Variants in CDK12 observed in about 807,000 individuals in gnomAD.
The protein encoded by CDK12 is cyclin dependent kinase 12.
Under a neutral mutation model 133.8 loss-of-function variants are expected in CDK12, and 17 were observed. That is an observed-to-expected ratio of 0.13 (90% CI 0.09 to 0.19). The LOEUF (loss-of-function observed/expected upper bound fraction) is 0.19, where lower values mean the gene tolerates loss of function less well. Ranked by LOEUF, CDK12 falls within the 10% of genes least tolerant of loss-of-function variation. The pLI is 1.00. For missense variants in CDK12, 1,508 were observed against 1,818.7 expected (o/e 0.83, Z 3.11); for synonymous variants, 694 against 683.6 (o/e 1.02, Z -0.24).
chr17:39,565,335 C>G (rs1159646922), downstream of CDK12, among the ~76,000 whole-genome samples: 1 of 151,904 alleles, frequency 6.6e-6, no homozygotes. Flanking sequence ...AGGATGGTCT[C>G]GATCTCCTGA....
intron 3 of CDK12, among the ~76,000 whole-genome samples, chr17:39,557,330 C>G (rs1276292124): frequency 1.3e-5 from 2 of 152,168 alleles, no homozygotes; most frequent in Non-Finnish European, 2.9e-5. Flanking sequence ...TCTTTTTGAT[C>G]TGGTTATGCT....
rs763101340 is a variant in CDK12 at position 39,461,538 on chromosome 17, A to T, written c.-534A>T. ...GTGACTGGGTCTGTGTGAGGGAGAG[A>T]GTGTGTGTGGTGTGGAGGTGAAACG... On this transcript the variant is annotated 5_prime_UTR_variant, in exon 1 of 14. Transcript: ENST00000447079. 1 of 242,748 alleles carries T rather than the reference A, an allele frequency of 4.1e-6. No individual in the cohort carries two copies. Among genetic ancestry groups the T allele is most frequent in the East Asian group, 5.9e-5 (1 of 17,054 alleles). The allele number at this position is 242,748 out of a possible 1,614,324, so 15.0% of individuals were successfully genotyped here. A position where few individuals can be genotyped will look rare whatever the true frequency, so the allele number is the denominator to read the frequency against.
upstream of CDK12, chr17:39,549,943 C>T (rs759220165): frequency 1.3e-5 from 2 of 152,248 alleles, no homozygotes; most frequent in Non-Finnish European, 2.9e-5. Flanking sequence ...ATAACCCCCC[C>T]ATCATACCCT....
intron 3 of CDK12, among the ~76,000 whole-genome samples, chr17:39,561,812 C>T (rs1262318278): frequency 1.3e-5 from 2 of 152,186 alleles, no homozygotes; most frequent in Non-Finnish European, 2.9e-5. Context: ...CGTATCACTC[C>T]TCCATCTTCT....
At chr17:39,557,351 A>G (rs1436544672) in intron 3 of CDK12, among the ~76,000 whole-genome samples, 3 of 151,996 alleles carry the variant, frequency 2.0e-5, no homozygotes, top group African/African-American at 4.8e-5. Context: ...GCTGCTTTTT[A>G]CTTTTCCTTC....
rs1479795836 is a variant in CDK12, at chr17:39,471,579, A to G, written c.1747A>G (p.Thr583Ala). 3.7e-6 allele frequency: 6 copies of G among 1,613,934 alleles called. No individual in the cohort carries two copies. The highest frequency in any genetic ancestry group is 5.1e-6 in the Non-Finnish European group (6 of 1,179,978). ...TCAGGTTCCTGCTTCCAGTACTTCA[A>G]CTTTGCCCCCTTCTACTCACTCAAA... ...FSQVPASSTSTLPPSTHSKTS... is the reference protein window; with the variant it reads ...FSQVPASSTSALPPSTHSKTS... The change falls in exon 2 of 14, where the codon ACT (threonine) becomes GCT (alanine). Residue 583 changes from threonine to alanine, a missense_variant. Around this residue, in one of 9 missense-constraint regions of CDK12, gnomAD observed 347 missense variants for 330.8 expected, o/e 1.05. Transcript: ENST00000447079.
chr17:39,535,490 T>TA (rs1331896875), downstream of CDK12, among the ~76,000 whole-genome samples: 1 of 152,198 alleles, frequency 6.6e-6, no homozygotes, highest in African/African-American at 2.4e-5. Context: ...TTTCTGGAAT[T>TA]ATGTGTTCCT....
chr17:39,561,047 G>A (rs1481284237), intron 3 of CDK12, among the ~76,000 whole-genome samples: 1 of 152,142 alleles, frequency 6.6e-6, no homozygotes, highest in African/African-American at 2.4e-5. Flanking sequence ...CAGTGTCATG[G>A]ATCAGGGGAC....
intron 2 of CDK12, among the ~76,000 whole-genome samples, chr17:39,472,456 C>T (rs1395164895): frequency 6.7e-6 from 1 of 149,320 alleles, no homozygotes; most frequent in Admixed American, 6.7e-5. Flanking sequence ...GGCAGATCAC[C>T]TGAGGTCAGG....
At chr17:39,497,958 T>C (rs1333451834) in intron 5 of CDK12, among the ~76,000 whole-genome samples, 2 of 152,008 alleles carry the variant, frequency 1.3e-5, no homozygotes, top group Non-Finnish European at 2.9e-5. Context: ...ATGTTACCAG[T>C]TTTATTTACT....
At chr17:39,539,528 G>T (rs1178126432), downstream of CDK12, among the ~76,000 whole-genome samples, 2 of 152,138 alleles carry the variant, frequency 1.3e-5, no homozygotes, top group African/African-American at 4.8e-5. Flanking sequence ...TACCATGAGG[G>T]CTGCTTCAGT....
At chr17:39,483,216 A>G (rs76686067) in intron 2 of CDK12, among the ~76,000 whole-genome samples, 2 of 152,014 alleles carry the variant, frequency 1.3e-5, no homozygotes, top group African/African-American at 4.8e-5. Context: ...CCCTGGCTCA[A>G]CTAAATTTTT....
chr17:39,463,180 C>T (rs1259887494), intron 1 of CDK12, 63 bp downstream of exon 1: 5 of 1,433,518 alleles, frequency 3.5e-6, no homozygotes, highest in Admixed American at 1.8e-5. Flanking sequence ...TGGCATTCAG[C>T]GTGTTAACAT....
chr17:39,496,912 CTTTTTTTTTTTT>C (rs71147349), intron 5 of CDK12, among the ~76,000 whole-genome samples: 12 of 87,820 alleles, frequency 1.4e-4, no homozygotes, highest in South Asian at 9.3e-4. Context: ...TTCAGTATAT[CTTTTTTTTTTTT>C]TTTTTTTTTT....
At chr17:39,475,034 C>T (rs1380148626) in intron 2 of CDK12, among the ~76,000 whole-genome samples, 1 of 151,712 alleles carries the variant, frequency 6.6e-6, no homozygotes, top group Non-Finnish European at 1.5e-5. Context: ...AGGGTTTCAC[C>T]ATGTTGGCCA....
In CDK12 at chr17:39,519,996, A is replaced by G. The variant is rs772623113; in HGVS notation, c.3004A>G (p.Thr1002Ala). Residue 1002 changes from threonine to alanine, a missense_variant, in exon 11 of 14, where the codon ACA becomes GCA. Physicochemically the swap from Thr to Ala is moderately conservative, Grantham distance 58. Around this residue, in one of 9 missense-constraint regions of CDK12, gnomAD observed 82 missense variants for 201.5 expected, o/e 0.41. Transcript: ENST00000447079. ...ACTTGATTTATTGGACCACATGCTG[A>G]CACTAGATCCTAGTAAGCGGTGCAC... The part of the protein sequence containing the change: ...AALDLLDHML[T>A]LDPSKRCTAE... 52 of 1,613,946 alleles carry G rather than the reference A, an allele frequency of 3.2e-5. 1 individual carries two copies. The highest frequency in any genetic ancestry group is 5.0e-5 in the Admixed American group (3 of 59,998).
chr17:39,510,205 C>T (rs1269440162), intron 7 of CDK12, among the ~76,000 whole-genome samples: 9 of 150,212 alleles, frequency 6.0e-5, no homozygotes, highest in South Asian at 2.1e-4. Context: ...CTGCAACCTC[C>T]GCCTCTTGGG....
At chr17:39,563,465 C>CA (rs2056458828) in intron 3 of CDK12, among the ~76,000 whole-genome samples, 1 of 65,568 alleles carries the variant, frequency 1.5e-5, no homozygotes, top group Non-Finnish European at 2.8e-5. Context: ...TGCTTCCCGC[C>CA]CCCCCCCCGC....
At chr17:39,490,486 A>T (rs2051502815) in intron 2 of CDK12, 71 bp from the exon 3 acceptor site, 1 of 1,093,320 alleles carries the variant, frequency 9.1e-7, no homozygotes, top group East Asian at 2.5e-5. Flanking sequence ...ACCAGGCATT[A>T]TGATCTTTGA....
Sources: gnomAD v4.1 joint callset for allele counts (sites outside exome capture counted in the v4.1 genomes callset) on GRCh38, gnomAD v4.1.1 for gene constraint, gnomAD v4.1.1 regional missense constraint, MANE v1.5 for transcripts, NCBI Gene and HGNC (gene_info 2026-07-23, HGNC 2026-07-21) for gene names.